GPC5: variants seen among roughly 807,000 people sequenced by gnomAD.
GPC5 encodes glypican 5, also known as glypican-5.
GPC5 carries 47 observed loss-of-function variants against 53.9 expected under a neutral mutation model. The ratio of observed to expected loss-of-function variants is 0.87; its 90% CI spans 0.69 to 1.11. GPC5 has a LOEUF of 1.11. Among genes scored for constraint, GPC5 ranks in the 50% most tolerant of loss-of-function variants. The pLI is 0.00. For missense variants in GPC5, 748 were observed against 713.1 expected (o/e 1.05, Z -0.56); for synonymous variants, 286 against 263.3 (o/e 1.09, Z -0.84).
chr13:92,466,186 A>T (rs1878683841), intron 7 of GPC5, among the ~76,000 whole-genome samples: 1 of 77,938 alleles, frequency 1.3e-5, no homozygotes. Context: ...TTTGTTAATT[A>T]AAAATATAAA....
At chr13:92,356,204 C>T (rs1429705583) in intron 7 of GPC5, among the ~76,000 whole-genome samples, 1 of 152,080 alleles carries the variant, frequency 6.6e-6, no homozygotes, top group Non-Finnish European at 1.5e-5. Context: ...AGAACACACA[C>T]ACTTAGTCCA....
intron 2 of GPC5, among the ~76,000 whole-genome samples, chr13:91,543,319 C>G (rs901054447): frequency 6.6e-6 from 1 of 152,116 alleles, no homozygotes; most frequent in African/African-American, 2.4e-5. Context: ...TTACCCTTGT[C>G]TCTGTTATTT....
chr13:92,014,535 C>T (rs1485760072), intron 6 of GPC5, among the ~76,000 whole-genome samples: 3 of 152,032 alleles, frequency 2.0e-5, no homozygotes, highest in African/African-American at 7.2e-5. Context: ...ACTTCCATAT[C>T]TCTAATGGAA....
intron 2 of GPC5, among the ~76,000 whole-genome samples, chr13:91,616,162 T>C (rs2033690328): frequency 6.6e-6 from 1 of 152,180 alleles, no homozygotes; most frequent in Non-Finnish European, 1.5e-5. Flanking sequence ...GGCCTTTGAA[T>C]GAGCAACTTA....
intron 2 of GPC5, among the ~76,000 whole-genome samples, chr13:91,484,334 G>T (rs919952544): frequency 6.6e-6 from 1 of 152,102 alleles, no homozygotes; most frequent in Admixed American, 6.6e-5. Context: ...TACCTGATAG[G>T]ATTATTGCAT....
At chr13:92,077,260 T>C (rs182361050) in intron 6 of GPC5, among the ~76,000 whole-genome samples, 1 of 152,214 alleles carries the variant, frequency 6.6e-6, no homozygotes, top group Non-Finnish European at 1.5e-5. Flanking sequence ...CGGTCACTCA[T>C]ATATGGCTCA....
intron 7 of GPC5, among the ~76,000 whole-genome samples, chr13:92,678,724 C>T (rs1276004274): frequency 6.6e-6 from 1 of 152,074 alleles, no homozygotes; most frequent in Non-Finnish European, 1.5e-5. Flanking sequence ...GCAATAGAGG[C>T]TGATATGGTT....
intron 2 of GPC5, among the ~76,000 whole-genome samples, chr13:91,549,267 TA>T (rs35941677): frequency 9.0e-5 from 13 of 144,934 alleles, no homozygotes; most frequent in Admixed American, 2.1e-4. Flanking sequence ...AAGATTCCAT[TA>T]AAAAAAAAAA....
chr13:92,119,661 C>T (rs1193088314), intron 6 of GPC5, among the ~76,000 whole-genome samples: 1 of 144,136 alleles, frequency 6.9e-6, no homozygotes, highest in African/African-American at 2.6e-5. Flanking sequence ...ACCTCGTGAT[C>T]CGCCCGCTTC....
intron 7 of GPC5, among the ~76,000 whole-genome samples, chr13:92,675,293 A>G (rs1242227332): frequency 1.3e-5 from 2 of 152,206 alleles, no homozygotes; most frequent in East Asian, 3.8e-4. Context: ...CCAATTCAAA[A>G]TTAATTCATT....
intron 6 of GPC5, among the ~76,000 whole-genome samples, chr13:92,030,783 G>A (rs530345212): frequency 8.5e-5 from 13 of 152,334 alleles, no homozygotes; most frequent in African/African-American, 2.6e-4. Flanking sequence ...TTGCAGCGGG[G>A]AAGAGCCTGG....
chr13:91,654,045 A>G (rs1184115914), intron 2 of GPC5, among the ~76,000 whole-genome samples: 1 of 152,086 alleles, frequency 6.6e-6, no homozygotes, highest in African/African-American at 2.4e-5. Context: ...ATGCATCTCT[A>G]ATGTGACTTA....
intron 2 of GPC5, among the ~76,000 whole-genome samples, chr13:91,586,688 C>G (rs1359679911): frequency 6.8e-6 from 1 of 148,118 alleles, no homozygotes; most frequent in Admixed American, 6.8e-5. Context: ...CCAATCACCC[C>G]CCAGCAGGTC....
chr13:92,109,351 G>A (rs1338859184), intron 6 of GPC5, among the ~76,000 whole-genome samples: 1 of 152,072 alleles, frequency 6.6e-6, no homozygotes, highest in Admixed American at 6.6e-5. Context: ...ATAGGCAGAA[G>A]CAACTGTACA....
At chr13:91,913,090 G>A (rs140390005) in intron 6 of GPC5, among the ~76,000 whole-genome samples, 3,747 of 152,122 alleles carry the variant, frequency 0.025, 69 homozygotes, top group Non-Finnish European at 0.033. Flanking sequence ...AAATATTTTA[G>A]TTAGAAGACA....
intron 7 of GPC5, among the ~76,000 whole-genome samples, chr13:92,639,789 G>A (rs1356344545): frequency 6.6e-6 from 1 of 152,166 alleles, no homozygotes; most frequent in African/African-American, 2.4e-5. Flanking sequence ...AATGGGTGCA[G>A]ATGAATTGAA....
chr13:92,463,012 C>G (rs918810290), intron 7 of GPC5, among the ~76,000 whole-genome samples: 13 of 152,124 alleles, frequency 8.5e-5, no homozygotes, highest in Non-Finnish European at 1.6e-4. Flanking sequence ...AAGAGGACAT[C>G]TATTTTTTTC....
intron 4 of GPC5, among the ~76,000 whole-genome samples, chr13:91,732,164 T>C (rs1225365112): frequency 6.6e-6 from 1 of 152,234 alleles, no homozygotes; most frequent in Non-Finnish European, 1.5e-5. Flanking sequence ...TGTAAAAGCA[T>C]TCCTATTTCT....
At chr13:92,242,729 C>T (rs73627790) in intron 7 of GPC5, among the ~76,000 whole-genome samples, 1,816 of 152,170 alleles carry the variant, frequency 0.012, 30 homozygotes, top group African/African-American at 0.041. Flanking sequence ...GAGACAAAGC[C>T]ATGCATCATA....
Sources: gnomAD v4.1 joint callset for allele counts (sites outside exome capture counted in the v4.1 genomes callset) on GRCh38, gnomAD v4.1.1 for gene constraint, MANE v1.5 for transcripts, NCBI Gene and HGNC (gene_info 2026-07-23, HGNC 2026-07-21) for gene names.